Variants in FRMD6 observed in about 807,000 individuals in gnomAD.
FRMD6 encodes the protein FERM domain-containing protein 6.
Under a neutral mutation model 73.2 loss-of-function variants are expected in FRMD6, and 37 were observed. The ratio of observed to expected loss-of-function variants is 0.51; its 90% CI spans 0.39 to 0.66. FRMD6 has a LOEUF of 0.66. Ranked by LOEUF, FRMD6 falls within the 30% of genes least tolerant of loss-of-function variation. FRMD6 has a pLI of 0.00. For missense variants in FRMD6, 714 were observed against 780.5 expected (o/e 0.91, Z 1.02); for synonymous variants, 273 against 282.2 (o/e 0.97, Z 0.33).
chr14:51,455,612 C>T, the FRMD6 span, among the ~76,000 whole-genome samples: 5 of 152,170 alleles, frequency 3.3e-5, no homozygotes, highest in Admixed American at 2.6e-4. Context: ...TTGGGTGAGT[C>T]GCTTAACTTC....
chr14:51,591,395 C>A (rs566429768), intron 2 of FRMD6, among the ~76,000 whole-genome samples: 34 of 152,182 alleles, frequency 2.2e-4, no homozygotes, highest in African/African-American at 7.9e-4. Context: ...AGAAGTATGA[C>A]AATTTGCAAA....
chr14:51,493,621 C>T (rs1434498785), intron 1 of FRMD6, among the ~76,000 whole-genome samples: 3 of 152,152 alleles, frequency 2.0e-5, no homozygotes, highest in African/African-American at 7.2e-5. Flanking sequence ...ATAAATTACC[C>T]AGTCTCAGCT....
the FRMD6 span, among the ~76,000 whole-genome samples, chr14:51,448,470 G>A: frequency 2.6e-5 from 4 of 152,188 alleles, no homozygotes; most frequent in East Asian, 3.8e-4. Flanking sequence ...GTACACAGCC[G>A]GTGATAAATA....
At chr14:51,397,557 T>G in the FRMD6 span, among the ~76,000 whole-genome samples, 1 of 152,232 alleles carries the variant, frequency 6.6e-6, no homozygotes, top group East Asian at 1.9e-4. Context: ...TAATCTTTTT[T>G]GCTTTTCTTC....
chr14:51,663,943 T>A (rs781105934), intron 1 of FRMD6, among the ~76,000 whole-genome samples: 1 of 152,202 alleles, frequency 6.6e-6, no homozygotes, highest in Non-Finnish European at 1.5e-5. Flanking sequence ...AATCCACTCA[T>A]AAGGACTTGA....
chr14:51,428,626 G>A, the FRMD6 span, among the ~76,000 whole-genome samples: 33 of 152,304 alleles, frequency 2.2e-4, no homozygotes, highest in South Asian at 5.6e-3. Context: ...GTGGGAGAGG[G>A]TGAGTGAACT....
At chr14:51,664,661 G>A (rs541381193) in intron 1 of FRMD6, among the ~76,000 whole-genome samples, 1 of 152,336 alleles carries the variant, frequency 6.6e-6, no homozygotes, top group South Asian at 2.1e-4. Flanking sequence ...CTTTGCAGTG[G>A]ATTAGGGCAC....
At chr14:51,660,741 C>T (rs1185705472) in intron 1 of FRMD6, among the ~76,000 whole-genome samples, 1 of 151,628 alleles carries the variant, frequency 6.6e-6, no homozygotes, top group Non-Finnish European at 1.5e-5. Flanking sequence ...AAAAGTAGAG[C>T]AGGCTAAGGG....
At chr14:51,530,335 T>C (rs1004747456) in intron 1 of FRMD6, among the ~76,000 whole-genome samples, 2 of 152,206 alleles carry the variant, frequency 1.3e-5, no homozygotes, top group Admixed American at 6.5e-5. Flanking sequence ...CCACAGAAAC[T>C]GGCAAATGCC....
At chr14:51,528,783 T>C (rs1885407130) in intron 1 of FRMD6, among the ~76,000 whole-genome samples, 1 of 152,214 alleles carries the variant, frequency 6.6e-6, no homozygotes, top group South Asian at 2.1e-4. Flanking sequence ...AGAATGGAAT[T>C]GAACCATGTC....
At chr14:51,441,905 A>G in the FRMD6 span, among the ~76,000 whole-genome samples, 1 of 152,202 alleles carries the variant, frequency 6.6e-6, no homozygotes, top group Non-Finnish European at 1.5e-5. Flanking sequence ...TTAATGACAT[A>G]ATTAATCTTT....
chr14:51,706,945 G>A (rs1396181351), intron 6 of FRMD6, among the ~76,000 whole-genome samples: 1 of 152,052 alleles, frequency 6.6e-6, no homozygotes, highest in African/African-American at 2.4e-5. Flanking sequence ...TCTGTAGCAT[G>A]TTTGCATTCT....
intron 1 of FRMD6, among the ~76,000 whole-genome samples, chr14:51,525,392 C>G (rs186413159): frequency 4.5e-4 from 69 of 152,160 alleles, no homozygotes; most frequent in African/African-American, 1.7e-3. Flanking sequence ...CCTAAGCCTC[C>G]CGAGTAGCTG....
chr14:51,665,159 TA>T (rs568774433), intron 1 of FRMD6, among the ~76,000 whole-genome samples: 2 of 152,130 alleles, frequency 1.3e-5, no homozygotes, highest in Admixed American at 6.5e-5. Context: ...AATTTTACAT[TA>T]AAAAAATTGC....
chr14:51,702,933 TG>T (rs1896413734), intron 5 of FRMD6, among the ~76,000 whole-genome samples: 2 of 152,046 alleles, frequency 1.3e-5, no homozygotes, highest in Non-Finnish European at 2.9e-5. Context: ...CTAGCACTTT[TG>T]TAAAGAGTGA....
At chr14:51,415,331 T>C in the FRMD6 span, among the ~76,000 whole-genome samples, 1 of 152,250 alleles carries the variant, frequency 6.6e-6, no homozygotes, top group Non-Finnish European at 1.5e-5. Context: ...GTAGGTTCCA[T>C]CAATGCCTAT....
At position 51,511,036 on chromosome 14, in the gene FRMD6, G is replaced by A. The variant is rs545607930; in HGVS notation, c.-210+21616G>A. Among the ~76,000 whole-genome samples, 7 of 151,622 alleles carry A rather than the reference G, an allele frequency of 4.6e-5. No individual in the cohort carries two copies. In the South Asian group the frequency reaches 8.3e-4, roughly 18 times the overall value. Reference sequence around the variant, plus strand: ...CAGAGTGAAGCTTGTAGGGCTGCTTGGTAAAGCCATTTCATTCACCTACAG... The same window carrying A: ...CAGAGTGAAGCTTGTAGGGCTGCTTAGTAAAGCCATTTCATTCACCTACAG... On this transcript the variant is annotated intron_variant, in intron 1 of 14. Transcript: ENST00000356218.
chr14:51,688,875 T>C (rs1490385184), intron 1 of FRMD6, among the ~76,000 whole-genome samples: 13 of 152,218 alleles, frequency 8.5e-5, no homozygotes, highest in Admixed American at 8.5e-4. Flanking sequence ...AAAATTTCTA[T>C]TACTTGCAAA....
chr14:51,504,525 C>G (rs1016329677), intron 1 of FRMD6, among the ~76,000 whole-genome samples: 5 of 152,326 alleles, frequency 3.3e-5, no homozygotes, highest in South Asian at 4.1e-4. Context: ...ATTTTTCAGT[C>G]GCTGACACAG....
Sources: allele counts gnomAD v4.1 joint callset (sites outside exome capture counted in the v4.1 genomes callset), GRCh38; gene constraint gnomAD v4.1.1; transcripts MANE v1.5; gene names NCBI Gene and HGNC (gene_info 2026-07-23, HGNC 2026-07-21).